IL26: variants seen among roughly 807,000 people sequenced by gnomAD.
IL26 encodes interleukin-26.
IL26 carries 23 observed loss-of-function variants against 21.7 expected under a neutral mutation model. The observed-to-expected ratio is 1.06, with a 90% CI of 0.76 to 1.50. The LOEUF (loss-of-function observed/expected upper bound fraction) is 1.50. Among genes scored for constraint, IL26 ranks in the 40% most tolerant of loss-of-function variants. The pLI, the probability that IL26 is intolerant of heterozygous loss-of-function variation, is 0.00. For synonymous variants in IL26, 63 were observed against 67.8 expected (o/e 0.93, Z 0.34); for missense variants, 204 against 196.0 (o/e 1.04, Z -0.24).
chr12:68,225,719 A>G lies in IL26; in HGVS notation c.38T>C (p.Leu13Ser), dbSNP rs1431532525. ...VNFILRCGLL[L>S]VTLSLAIAKH... ...GGCAATGGCAAGAGACAGAGTGACT[A>G]ACAGCAACCCACACCTCAAAATGAA... Residue 13 changes from leucine (L) to serine (S), a missense_variant, in exon 1 of 5, where the codon TTA becomes TCA. Transcript: ENST00000229134. 9 of 1,613,894 alleles carry G rather than the reference A, an allele frequency of 5.6e-6. No individual in the cohort carries two copies. The highest frequency in any genetic ancestry group is 5.9e-6 in the Non-Finnish European group (7 of 1,179,948).
chr12:68,213,094 G>T (rs969422548), intron 3 of IL26, among the ~76,000 whole-genome samples: 2 of 151,986 alleles, frequency 1.3e-5, no homozygotes, highest in Non-Finnish European at 2.9e-5. Flanking sequence ...TTATCATAAA[G>T]GGATATAAAT....
intron 3 of IL26, among the ~76,000 whole-genome samples, chr12:68,211,129 A>G (rs546957898): frequency 5.8e-4 from 88 of 152,174 alleles, no homozygotes; most frequent in African/African-American, 2.1e-3. Flanking sequence ...CAACCTATTC[A>G]CTGTCTTCAT....
intron 3 of IL26, among the ~76,000 whole-genome samples, chr12:68,204,650 G>A (rs1054389602): frequency 1.3e-5 from 2 of 151,914 alleles, no homozygotes; most frequent in Admixed American, 1.3e-4. Context: ...TCTAGGAAGA[G>A]TAATGAGAGT....
At chr12:68,223,883 G>GTTTTTTTTT (rs201652400) in intron 3 of IL26, among the ~76,000 whole-genome samples, 1 of 81,916 alleles carries the variant, frequency 1.2e-5, no homozygotes, top group Non-Finnish European at 3.1e-5. Flanking sequence ...TAAATTTGGT[G>GTTTTTTTTT]GTTTTTTTTT....
intron 3 of IL26, among the ~76,000 whole-genome samples, chr12:68,207,327 G>A (rs1868572076): frequency 6.6e-6 from 1 of 152,136 alleles, no homozygotes; most frequent in Non-Finnish European, 1.5e-5. Context: ...ATCACCAGTG[G>A]CACTTTTTGT....
At chr12:68,219,144 TAAAG>T (rs1056647501) in intron 3 of IL26, among the ~76,000 whole-genome samples, 6 of 151,918 alleles carry the variant, frequency 3.9e-5, no homozygotes, top group East Asian at 3.9e-4. Context: ...AAAAAGTTAA[TAAAG>T]AGAGAGAAAA....
At chr12:68,210,667 A>G (rs1868700170) in intron 3 of IL26, among the ~76,000 whole-genome samples, 1 of 152,178 alleles carries the variant, frequency 6.6e-6, no homozygotes, top group Non-Finnish European at 1.5e-5. Flanking sequence ...TCCAATTTCT[A>G]TATTCTCTAT....
intron 3 of IL26, among the ~76,000 whole-genome samples, chr12:68,206,661 T>C (rs1868552254): frequency 6.6e-6 from 1 of 152,218 alleles, no homozygotes; most frequent in South Asian, 2.1e-4. Context: ...CCTGACTGCA[T>C]TTGCACAAAA....
In IL26 at chr12:68,225,596, G is replaced by T. The variant is rs781128623; in HGVS notation, c.161C>A (p.Ala54Glu). The T allele has an allele frequency of 5.0e-6, 8 of 1,613,754 alleles. No individual in the cohort carries two copies. The highest frequency in any genetic ancestry group is 6.8e-6 in the Non-Finnish European group (8 of 1,179,814). ...GAGCCTAATACTTACTGGAATCGTTGCTTTGAGCCATGCTGCTTTGATATA... is the reference window on the plus strand; with the variant it reads ...GAGCCTAATACTTACTGGAATCGTTTCTTTGAGCCATGCTGCTTTGATATA... ...ALYIKAAWLK[A>E]TIPEDRIKNI... Residue 54 changes from alanine to glutamate, a missense_variant, in exon 1 of 5, where the codon GCA becomes GAA. Transcript: ENST00000229134.
chr12:68,208,502 G>C (rs577061037), intron 3 of IL26, among the ~76,000 whole-genome samples: 174 of 134,070 alleles, frequency 1.3e-3, no homozygotes, highest in East Asian at 7.1e-3. Flanking sequence ...TTCTTTCTTT[G>C]TTTCTTTTTT....
At chr12:68,221,153 C>T (rs1869034072) in intron 3 of IL26, among the ~76,000 whole-genome samples, 1 of 152,080 alleles carries the variant, frequency 6.6e-6, no homozygotes, top group Non-Finnish European at 1.5e-5. Context: ...GAAGACAAAA[C>T]AAAGCCAGTC....
intron 3 of IL26, among the ~76,000 whole-genome samples, chr12:68,223,251 G>A (rs1189985960): frequency 6.6e-6 from 1 of 152,116 alleles, no homozygotes; most frequent in African/African-American, 2.4e-5. Flanking sequence ...CAGGGAAGAA[G>A]GAAAGCGCGG....
rs1435000455 is a variant in IL26, at chr12:68,203,612, A to G, written c.364-1529T>C. 5.3e-5 allele frequency among the ~76,000 whole-genome samples: 8 copies of G among 152,252 alleles called. No individual in the cohort carries two copies. The East Asian group carries it at 5.8e-4, about 11-fold the overall frequency. ...CTCTCGACAAAAGAATGTCATATCA[A>G]TAAAGATAACACTTAGTTCAAACAC... On this transcript the variant is annotated intron_variant, in intron 3 of 4. Coordinates refer to ENST00000229134, the MANE Select transcript of IL26 (RefSeq NM_018402.2).
intron 3 of IL26, among the ~76,000 whole-genome samples, chr12:68,205,313 A>G (rs1868507667): frequency 1.6e-5 from 2 of 128,698 alleles, no homozygotes; most frequent in African/African-American, 5.9e-5. Context: ...GAAGTTAAAA[A>G]CCTGCGTAAA....
intron 3 of IL26, among the ~76,000 whole-genome samples, chr12:68,208,645 G>A (rs2033887355): frequency 6.6e-6 from 1 of 152,054 alleles, no homozygotes; most frequent in African/African-American, 2.4e-5. Flanking sequence ...TGGGATTACA[G>A]GCACCCACCA....
At chr12:68,202,124 G>A (rs1388181520) in intron 3 of IL26, 41 bp from the exon 4 acceptor site, 1 of 1,259,558 alleles carries the variant, frequency 7.9e-7, no homozygotes, top group Non-Finnish European at 1.1e-6. Flanking sequence ...TTGTTGAAGA[G>A]GCATTAATGA....
chr12:68,205,492 G>C (rs1195164715), intron 3 of IL26, among the ~76,000 whole-genome samples: 2 of 152,114 alleles, frequency 1.3e-5, no homozygotes, highest in Non-Finnish European at 2.9e-5. Flanking sequence ...TCATAAGGAA[G>C]AGAAAATATA....
At chr12:68,211,875 G>C (rs1003952392) in intron 3 of IL26, among the ~76,000 whole-genome samples, 2 of 151,928 alleles carry the variant, frequency 1.3e-5, no homozygotes, top group African/African-American at 4.8e-5. Context: ...AGGATTTTTA[G>C]CTTTACATAA....
At chr12:68,211,186 G>T (rs1037714045) in intron 3 of IL26, among the ~76,000 whole-genome samples, 1 of 152,176 alleles carries the variant, frequency 6.6e-6, no homozygotes, top group Admixed American at 6.5e-5. Flanking sequence ...ACAGGAAATA[G>T]TTGTCTTTCC....
Sources: gnomAD v4.1 joint callset for allele counts (sites outside exome capture counted in the v4.1 genomes callset) on GRCh38, gnomAD v4.1.1 for gene constraint, MANE v1.5 for transcripts, NCBI Gene and HGNC (gene_info 2026-07-23, HGNC 2026-07-21) for gene names.